The following TTC23 variants were observed in gnomAD, a reference collection of about 807,000 sequenced individuals.
The protein encoded by TTC23 is tetratricopeptide repeat protein 23.
A neutral mutation model predicts 55.1 loss-of-function variants in TTC23; 58 were observed. The observed-to-expected ratio is 1.05, with a 90% CI of 0.85 to 1.31. The LOEUF is 1.31. Ranked by LOEUF, TTC23 falls within the 50% of genes most tolerant of loss-of-function variation. The pLI, the probability that TTC23 is intolerant of heterozygous loss-of-function variation, is 0.00. For missense variants in TTC23, 516 were observed against 534.4 expected, an observed-to-expected ratio of 0.97 and a Z score of 0.34; for synonymous variants, 203 against 199.9, an observed-to-expected ratio of 1.02 and a Z score of -0.13.
At chr15:99,197,292 T>C (rs868728894) in intron 9 of TTC23, among the ~76,000 whole-genome samples, 127 of 151,842 alleles carry the variant, frequency 8.4e-4, no homozygotes, top group Middle Eastern at 3.4e-3. Context: ...TTAGTAGAGA[T>C]GGGGTTTCAC....
intron 13 of TTC23, among the ~76,000 whole-genome samples, chr15:99,138,767 G>A (rs1419791800): frequency 3.3e-5 from 5 of 152,236 alleles, no homozygotes; most frequent in South Asian, 2.1e-4. Flanking sequence ...AGGGGATGGC[G>A]CCCTGCTGGC....
Position 99,162,309 on chromosome 15 carries a change from C to A in TTC23, c.866-442G>T, listed in dbSNP as rs1302059935. Among the ~76,000 whole-genome samples the A allele has an allele frequency of 1.2e-4, 19 of 152,258 alleles. No homozygotes were observed. The East Asian group carries it at 3.3e-3, about 26-fold the overall frequency. ...TACATATTTCTAAAACATGAAAAAT[C>A]TGGAAAATATTGCTGACATGCCGCT... is the stretch of plus-strand genomic sequence containing the variant. On this transcript the variant is annotated intron_variant, in intron 10 of 13. Coordinates refer to ENST00000394132, the MANE Select transcript of TTC23 (RefSeq NM_001288615.3).
intron 12 of TTC23, among the ~76,000 whole-genome samples, chr15:99,146,849 G>A (rs2068924333): frequency 6.6e-6 from 1 of 152,262 alleles, no homozygotes; most frequent in Admixed American, 6.5e-5. Flanking sequence ...ATGCCAGGGA[G>A]GCCTGTGGTC....
At chr15:99,169,630 G>C (rs1388743503) in intron 10 of TTC23, among the ~76,000 whole-genome samples, 2 of 152,166 alleles carry the variant, frequency 1.3e-5, no homozygotes, top group Admixed American at 6.6e-5. Context: ...GAAAAGGCAG[G>C]CCACAGGGGG....
intron 10 of TTC23, among the ~76,000 whole-genome samples, chr15:99,165,223 G>C (rs920344566): frequency 9.2e-5 from 14 of 152,202 alleles, no homozygotes; most frequent in Admixed American, 6.5e-5. Flanking sequence ...TGGACATTGA[G>C]AGGACAGAAA....
intron 3 of TTC23, 63 bp from the exon 4 acceptor site, chr15:99,235,143 G>A (rs867433245): frequency 6.6e-6 from 1 of 152,268 alleles, no homozygotes; most frequent in Middle Eastern, 3.4e-3. Context: ...AGCTACTCCG[G>A]AGGCTGAAGC....
At chr15:99,219,115 A>G (rs1422769741) in intron 6 of TTC23, 67 bp from the exon 7 acceptor site, 3 of 1,545,794 alleles carry the variant, frequency 1.9e-6, no homozygotes, top group Non-Finnish European at 2.6e-6. Context: ...ACAGTTCCTT[A>G]TGGTCTGGGA....
intron 3 of TTC23, among the ~76,000 whole-genome samples, chr15:99,240,935 T>G (rs2079733979): frequency 6.6e-6 from 1 of 152,196 alleles, no homozygotes; most frequent in African/African-American, 2.4e-5. Context: ...CCTGTCTGGC[T>G]TCTAGAGGCA....
chr15:99,211,048 C>G (rs1054723274), intron 8 of TTC23, among the ~76,000 whole-genome samples: 1 of 151,976 alleles, frequency 6.6e-6, no homozygotes, highest in Non-Finnish European at 1.5e-5. Flanking sequence ...CAAGAGAGAG[C>G]AAGACAAAGA....
intron 4 of TTC23, among the ~76,000 whole-genome samples, chr15:99,232,816 A>G (rs1017812774): frequency 1.3e-5 from 2 of 152,214 alleles, no homozygotes; most frequent in African/African-American, 4.8e-5. Flanking sequence ...GTATTAGTAT[A>G]TTGAAGAGAT....
intron 3 of TTC23, among the ~76,000 whole-genome samples, chr15:99,240,467 T>C (rs1226770663): frequency 2.0e-5 from 3 of 152,182 alleles, no homozygotes; most frequent in Admixed American, 1.3e-4. Flanking sequence ...GATGTAGATT[T>C]TGGGGTTTCT....
chr15:99,191,957 A>G (rs2075284718), intron 9 of TTC23, among the ~76,000 whole-genome samples: 1 of 152,182 alleles, frequency 6.6e-6, no homozygotes, highest in African/African-American at 2.4e-5. Context: ...GGAGATGAGG[A>G]ACTTGTTGGG....
chr15:99,187,718 G>A (rs1011131606), intron 9 of TTC23, among the ~76,000 whole-genome samples: 22 of 151,894 alleles, frequency 1.4e-4, no homozygotes, highest in African/African-American at 5.1e-4. Context: ...TATATAAATG[G>A]CCAATAAGCC....
chr15:99,244,469 T>C (rs1447464574), intron 2 of TTC23, among the ~76,000 whole-genome samples: 1 of 152,042 alleles, frequency 6.6e-6, no homozygotes, highest in African/African-American at 2.4e-5. Flanking sequence ...GGATACATAA[T>C]AAATAAATAA....
At chr15:99,156,103 G>A (rs1161734298) in intron 12 of TTC23, 45 bp downstream of exon 12, 1 of 1,611,488 alleles carries the variant, frequency 6.2e-7, no homozygotes, top group Non-Finnish European at 8.5e-7. Flanking sequence ...CCTTGGAGAG[G>A]GGAGGGAGAG....
chr15:99,196,215 C>T (rs1352693078), intron 9 of TTC23, among the ~76,000 whole-genome samples: 1 of 150,390 alleles, frequency 6.6e-6, no homozygotes, highest in Non-Finnish European at 1.5e-5. Flanking sequence ...AAATTTGAGA[C>T]TCTATTCTGT....
In TTC23 at chr15:99,139,299, T is replaced by G. The variant is rs140361738; in HGVS notation, c.1226+18A>C. The G allele has an allele frequency of 8.7e-6, 14 of 1,609,378 alleles. No individual in the cohort carries two copies. In the African/African-American group the frequency reaches 1.9e-4, roughly 21 times the overall value. On this transcript the variant is annotated intron_variant, in intron 13 of 13. Transcript: ENST00000394132. The stretch of plus-strand genomic sequence containing the variant: ...GAAAGGGAATGAGATAGAGAAAGTG[T>G]GAGGGACGCCAACTCACGTGGACAG...
rs754209083 is a variant in TTC23, at chr15:99,168,028, C to T, written c.866-6161G>A. 1.1e-4 allele frequency among the ~76,000 whole-genome samples: 17 copies of T among 152,304 alleles called. 1 individual carries two copies. The highest frequency in any genetic ancestry group is 4.1e-4 in the South Asian group (2 of 4,824). On this transcript the variant is annotated intron_variant, in intron 10 of 13. Transcript: ENST00000394132. Reference sequence around the variant, plus strand: ...AGTCTGCTAGCTTGTGGAGGCCACACGGGAAGCCTGAGAACACATAAAGCC... The same window carrying T: ...AGTCTGCTAGCTTGTGGAGGCCACATGGGAAGCCTGAGAACACATAAAGCC...
At chr15:99,228,466 A>C in intron 5 of TTC23, 67 bp downstream of exon 5, 1 of 1,366,958 alleles carries the variant, frequency 7.3e-7, no homozygotes, top group Non-Finnish European at 9.8e-7. Context: ...AAAACATTCT[A>C]CTTCTCTTGA....
Sources: allele counts gnomAD v4.1 joint callset (sites outside exome capture counted in the v4.1 genomes callset), GRCh38; gene constraint gnomAD v4.1.1; transcripts MANE v1.5; gene names NCBI Gene and HGNC (gene_info 2026-07-23, HGNC 2026-07-21).